The following CSMD1 variants were observed in gnomAD, a reference collection of about 807,000 sequenced individuals.
The protein encoded by CSMD1 is CUB and Sushi multiple domains 1.
A neutral mutation model predicts 417.5 loss-of-function variants in CSMD1; 213 were observed. That is an observed-to-expected ratio of 0.51 (90% CI 0.46 to 0.57). The LOEUF (loss-of-function observed/expected upper bound fraction) is 0.57, where lower values mean the gene tolerates loss of function less well. Among genes scored for constraint, CSMD1 ranks in the 20% least tolerant of loss-of-function variants. CSMD1 has a pLI of 0.00. For synonymous variants in CSMD1, 2,862 were observed against 1,736.8 expected (o/e 1.65, Z -16.11); for missense variants, 6,923 against 4,529.7 (o/e 1.53, Z -15.17).
chr8:4,421,185 G>T (rs950125713), intron 2 of CSMD1, among the ~76,000 whole-genome samples: 1 of 152,140 alleles, frequency 6.6e-6, no homozygotes, highest in Admixed American at 6.6e-5. Flanking sequence ...TGTACTTTAT[G>T]TGTTAGCGAA....
intron 5 of CSMD1, among the ~76,000 whole-genome samples, chr8:3,878,287 C>A (rs1187546675): frequency 6.6e-6 from 1 of 152,132 alleles, no homozygotes; most frequent in Non-Finnish European, 1.5e-5. Flanking sequence ...TAAAATAAAT[C>A]AATCTCTTCT....
intron 1 of CSMD1, among the ~76,000 whole-genome samples, chr8:4,865,170 T>G (rs1245763718): frequency 6.6e-6 from 1 of 151,804 alleles, no homozygotes; most frequent in Non-Finnish European, 1.5e-5. Flanking sequence ...TTGTTTTACT[T>G]TAATGACATG....
At chr8:4,094,127 C>T (rs35152331) in intron 3 of CSMD1, among the ~76,000 whole-genome samples, 28,655 of 151,994 alleles carry the variant, frequency 0.19, 2,895 homozygotes, top group East Asian at 0.3. Context: ...ATGGTGCCTC[C>T]GTGTGTGGGG....
chr8:4,314,997 G>T (rs894599714), intron 3 of CSMD1, among the ~76,000 whole-genome samples: 1 of 152,086 alleles, frequency 6.6e-6, no homozygotes. Context: ...TAATAGTACT[G>T]ACAGCCCCAG....
At chr8:4,492,289 T>C (rs1801744525) in intron 2 of CSMD1, among the ~76,000 whole-genome samples, 1 of 152,062 alleles carries the variant, frequency 6.6e-6, no homozygotes, top group African/African-American at 2.4e-5. Context: ...GGGATCTTCT[T>C]ATGTTGCCCA....
intron 1 of CSMD1, among the ~76,000 whole-genome samples, chr8:4,659,774 T>A (rs961385612): frequency 6.6e-6 from 1 of 152,172 alleles, no homozygotes; most frequent in African/African-American, 2.4e-5. Context: ...TTCCTGAGAA[T>A]GCTTAATTTA....
At chr8:3,346,540 G>A (rs1808010106) in intron 22 of CSMD1, among the ~76,000 whole-genome samples, 1 of 152,130 alleles carries the variant, frequency 6.6e-6, no homozygotes, top group Non-Finnish European at 1.5e-5. Flanking sequence ...CTATTAAAAT[G>A]AAAGAACAAC....
chr8:4,119,711 T>C (rs10441644), intron 3 of CSMD1, among the ~76,000 whole-genome samples: 150,679 of 152,324 alleles, frequency 0.99, 74,550 homozygotes, highest in East Asian at 1. Context: ...GGGCTGGCAG[T>C]CTGATCACAA....
rs146057901 is a variant in CSMD1 at position 4,182,412 on chromosome 8, G to A, written c.416-150313C>T. ...CTTATTAGAGAGATCAGTAAATGCT[G>A]AACCTGCCCAGCCCACTTATATAAT... is the stretch of plus-strand genomic sequence containing the variant. On this transcript the variant is annotated intron_variant, in intron 3 of 69. Transcript: ENST00000635120. Among the ~76,000 whole-genome samples, 146 of 152,164 alleles carry A rather than the reference G, an allele frequency of 9.6e-4. 1 individual carries two copies. The East Asian group carries it at 0.019, about 19-fold the overall frequency.
intron 25 of CSMD1, among the ~76,000 whole-genome samples, chr8:3,299,567 T>TATAAG (rs1804234142): frequency 6.6e-6 from 1 of 151,618 alleles, no homozygotes; most frequent in Non-Finnish European, 1.5e-5. Flanking sequence ...GTCTGGCAGA[T>TATAAG]AAAAGCACGC....
chr8:3,640,321 G>C (rs1028670535), intron 7 of CSMD1, among the ~76,000 whole-genome samples: 3 of 152,170 alleles, frequency 2.0e-5, no homozygotes, highest in African/African-American at 7.2e-5. Flanking sequence ...TCACAACCAA[G>C]ATTTTATGAG....
chr8:4,181,703 T>C (rs1798386440), intron 3 of CSMD1, among the ~76,000 whole-genome samples: 1 of 150,766 alleles, frequency 6.6e-6, no homozygotes, highest in Admixed American at 6.7e-5. Flanking sequence ...TTTTTCAATA[T>C]AATCTCCCCT....
intron 1 of CSMD1, among the ~76,000 whole-genome samples, chr8:4,652,978 G>T (rs1299995079): frequency 1.3e-5 from 2 of 151,696 alleles, no homozygotes; most frequent in African/African-American, 4.9e-5. Flanking sequence ...AGCTTCCCTT[G>T]CTCACCCACT....
intron 25 of CSMD1, among the ~76,000 whole-genome samples, chr8:3,302,298 T>A (rs762768826): frequency 2.0e-5 from 3 of 152,190 alleles, no homozygotes; most frequent in African/African-American, 7.2e-5. Flanking sequence ...AATGTTTTTT[T>A]CTGGAGTCAC....
At chr8:3,878,001 T>C (rs1805944496) in intron 5 of CSMD1, among the ~76,000 whole-genome samples, 1 of 152,048 alleles carries the variant, frequency 6.6e-6, no homozygotes, top group Admixed American at 6.6e-5. Flanking sequence ...ATGTAAATGA[T>C]AAAACTTTCC....
At chr8:4,908,348 TA>T (rs1805436854) in intron 1 of CSMD1, among the ~76,000 whole-genome samples, 2 of 152,270 alleles carry the variant, frequency 1.3e-5, no homozygotes, top group South Asian at 2.1e-4. Flanking sequence ...ATTTGGGATT[TA>T]TAATTCTTGA....
intron 1 of CSMD1, among the ~76,000 whole-genome samples, chr8:4,950,552 CAACT>C (rs1286342111): frequency 5.3e-5 from 8 of 152,054 alleles, no homozygotes; most frequent in Admixed American, 2.0e-4. Flanking sequence ...TTTAGTAAAG[CAACT>C]AACTTTTTAT....
chr8:3,751,672 T>A (rs1223065646), intron 6 of CSMD1, among the ~76,000 whole-genome samples: 2 of 152,128 alleles, frequency 1.3e-5, no homozygotes, highest in Admixed American at 1.3e-4. Context: ...GTCTGATACA[T>A]CTAAGTGATT....
intron 3 of CSMD1, among the ~76,000 whole-genome samples, chr8:4,167,331 A>G (rs1272699948): frequency 6.6e-6 from 1 of 152,220 alleles, no homozygotes; most frequent in Non-Finnish European, 1.5e-5. Context: ...GAGGTATCTA[A>G]GTAAGACTTT....
Sources: gnomAD v4.1 joint callset for allele counts (sites outside exome capture counted in the v4.1 genomes callset) on GRCh38, gnomAD v4.1.1 for gene constraint, MANE v1.5 for transcripts, NCBI Gene and HGNC (gene_info 2026-07-23, HGNC 2026-07-21) for gene names.